HNRNPA1L2: variants seen among roughly 807,000 people sequenced by gnomAD.
The protein encoded by HNRNPA1L2 is heterogeneous nuclear ribonucleoprotein A1-like 2.
A neutral mutation model predicts 18.2 loss-of-function variants in HNRNPA1L2; 10 were observed. The observed-to-expected ratio is 0.55, with a 90% CI of 0.34 to 0.93. The LOEUF (loss-of-function observed/expected upper bound fraction) is 0.93. HNRNPA1L2 is among the 40% of genes least tolerant of loss of function. HNRNPA1L2 has a pLI of 0.02. For synonymous variants in HNRNPA1L2, 124 were observed against 138.6 expected, an observed-to-expected ratio of 0.89 and a Z score of 0.74; for missense variants, 308 against 394.4, an observed-to-expected ratio of 0.78 and a Z score of 1.85.
the HNRNPA1L2 span, among the ~76,000 whole-genome samples, chr13:52,632,736 C>T: frequency 6.6e-6 from 1 of 152,220 alleles, no homozygotes; most frequent in Non-Finnish European, 1.5e-5. Flanking sequence ...TTTACTAGGA[C>T]TTACCTACTG....
the HNRNPA1L2 span, among the ~76,000 whole-genome samples, chr13:52,619,944 G>T: frequency 1.8e-4 from 20 of 113,834 alleles, no homozygotes; most frequent in Middle Eastern, 4.8e-3. Context: ...AAAAAAAAAA[G>T]AATAATAATT....
At chr13:52,619,943 A>G in the HNRNPA1L2 span, among the ~76,000 whole-genome samples, 205 of 143,986 alleles carry the variant, frequency 1.4e-3, no homozygotes, top group African/African-American at 5.1e-3. Context: ...AAAAAAAAAA[A>G]GAATAATAAT....
the HNRNPA1L2 span, among the ~76,000 whole-genome samples, chr13:52,624,296 T>C: frequency 7.0e-4 from 107 of 152,220 alleles, no homozygotes; most frequent in Middle Eastern, 6.8e-3. Context: ...GTATTTTTAG[T>C]AGAGATGGGG....
chr13:52,629,993 CAGG>C, the HNRNPA1L2 span, among the ~76,000 whole-genome samples: 4 of 152,148 alleles, frequency 2.6e-5, no homozygotes, highest in East Asian at 7.7e-4. Flanking sequence ...GAGGCTGAGG[CAGG>C]AGAATTGCTT....
chr13:52,632,825 T>C, the HNRNPA1L2 span, among the ~76,000 whole-genome samples: 2 of 152,358 alleles, frequency 1.3e-5, no homozygotes, highest in South Asian at 4.1e-4. Context: ...GCTGTTTGCC[T>C]ACATGTGTGC....
chr13:52,618,384 T>A, the HNRNPA1L2 span, among the ~76,000 whole-genome samples: 1 of 152,234 alleles, frequency 6.6e-6, no homozygotes, highest in East Asian at 1.9e-4. Flanking sequence ...ACTTTATTGT[T>A]ATGAAAGCCT....
chr13:52,619,709 AAG>A, the HNRNPA1L2 span, among the ~76,000 whole-genome samples: 1 of 151,806 alleles, frequency 6.6e-6, no homozygotes, highest in Non-Finnish European at 1.5e-5. Context: ...ATCACAAGGT[AAG>A]GAGATCCAGA....
chr13:52,617,584 A>T, the HNRNPA1L2 span: 1 of 454,512 alleles, frequency 2.2e-6, no homozygotes, highest in East Asian at 3.2e-5. Flanking sequence ...CGGCGTTTCT[A>T]CCTCTTCGCA....
chr13:52,638,287 T>A (rs1247845314), upstream of HNRNPA1L2, among the ~76,000 whole-genome samples: 4 of 152,196 alleles, frequency 2.6e-5, no homozygotes, highest in Non-Finnish European at 1.5e-5. Flanking sequence ...CAGGTGCATT[T>A]GCCCTCTTAG....
chr13:52,626,036 T>C, the HNRNPA1L2 span, among the ~76,000 whole-genome samples: 51 of 152,214 alleles, frequency 3.4e-4, no homozygotes, highest in Non-Finnish European at 1.5e-5. Flanking sequence ...CTCCTTGGCC[T>C]CCCAGAGTGC....
At chr13:52,621,488 G>C in the HNRNPA1L2 span, among the ~76,000 whole-genome samples, 2 of 152,154 alleles carry the variant, frequency 1.3e-5, no homozygotes, top group Non-Finnish European at 2.9e-5. Flanking sequence ...CAGTCAGTCA[G>C]ATCTGGGTTT....
At chr13:52,641,688 C>G (rs1445689844), upstream of HNRNPA1L2, 2 of 152,116 alleles carry the variant, frequency 1.3e-5, no homozygotes, top group Non-Finnish European at 2.9e-5. Flanking sequence ...TTATGTCAAG[C>G]CTTCAGTGGT....
chr13:52,630,855 A>G, the HNRNPA1L2 span, among the ~76,000 whole-genome samples: 1 of 152,242 alleles, frequency 6.6e-6, no homozygotes, highest in Non-Finnish European at 1.5e-5. Flanking sequence ...GTTTTACTTA[A>G]GAATGTTTAA....
At chr13:52,635,006 G>A in the HNRNPA1L2 span, among the ~76,000 whole-genome samples, 1 of 152,170 alleles carries the variant, frequency 6.6e-6, no homozygotes, top group Non-Finnish European at 1.5e-5. Flanking sequence ...GACATAGGTC[G>A]GTCAGTGTCC....
At chr13:52,633,216 T>C in the HNRNPA1L2 span, among the ~76,000 whole-genome samples, 1 of 152,254 alleles carries the variant, frequency 6.6e-6, no homozygotes, top group Non-Finnish European at 1.5e-5. Flanking sequence ...CCTAGGCAGC[T>C]TGCTATCTAG....
At chr13:52,639,809 T>C (rs1205636704), upstream of HNRNPA1L2, among the ~76,000 whole-genome samples, 1 of 151,770 alleles carries the variant, frequency 6.6e-6, no homozygotes, top group Non-Finnish European at 1.5e-5. Context: ...AATCCTTAGC[T>C]TAACATTCAA....
Position 52,642,715 on chromosome 13 carries a change from A to G in HNRNPA1L2, c.223A>G (p.Thr75Ala), listed in dbSNP as rs765497126. ...VEEVDAAMNT[T>A]PHKVDGRVVE... ...GGAGGTGGATGCAGCTATGAATACA[A>G]CGCCACACAAGGTGGATGGAAGAGT... The change falls in exon 1 of 1, where the codon ACG becomes GCG. Residue 75 changes from threonine to alanine, a missense_variant. Transcript: ENST00000357495. The G allele has an allele frequency of 5.0e-6, 8 of 1,604,430 alleles. No homozygotes were observed. In the East Asian group the frequency reaches 6.7e-5, roughly 13 times the overall value.
upstream of HNRNPA1L2, among the ~76,000 whole-genome samples, chr13:52,639,038 T>A (rs1358632077): frequency 1.3e-5 from 2 of 152,234 alleles, no homozygotes; most frequent in African/African-American, 4.8e-5. Flanking sequence ...GCATGGTATC[T>A]GGCATAGTGC....
chr13:52,643,521 A>G lies in HNRNPA1L2; in HGVS notation c.*66A>G. On this transcript the variant is annotated 3_prime_UTR_variant, in exon 1 of 1. Transcript: ENST00000357495. ...TGACAGGGAAGCTACAGGTTACAAC[A>G]GATTTGTGAACTCAGCCAAGCACAG... 7.0e-7 allele frequency: 1 copy of G among 1,418,904 alleles called. No individual in the cohort carries two copies. Among genetic ancestry groups the G allele is most frequent in the Non-Finnish European group, 9.8e-7 (1 of 1,023,024 alleles). 87.9% of individuals were successfully genotyped at this position (1,418,904 alleles called of 1,614,324 possible).
Sources: allele counts gnomAD v4.1 joint callset (sites outside exome capture counted in the v4.1 genomes callset), GRCh38; gene constraint gnomAD v4.1.1; transcripts MANE v1.5; gene names NCBI Gene and HGNC (gene_info 2026-07-23, HGNC 2026-07-21).